Variants in DIAPH2 observed in about 807,000 individuals in gnomAD.
The protein encoded by DIAPH2 is diaphanous related formin 2, also known as protein diaphanous homolog 2.
Under a neutral mutation model 92.7 loss-of-function variants are expected in DIAPH2, and 35 were observed. The observed-to-expected ratio is 0.38, with a 90% CI of 0.29 to 0.50. The LOEUF (loss-of-function observed/expected upper bound fraction) is 0.50, where lower values mean the gene tolerates loss of function less well. Ranked by LOEUF, DIAPH2 falls within the 20% of genes least tolerant of loss-of-function variation. The pLI is 0.94. For synonymous variants in DIAPH2, 301 were observed against 280.4 expected (o/e 1.07, Z -0.73); for missense variants, 701 against 819.5 (o/e 0.86, Z 1.77).
At chrX:96,973,563 C>A (rs1350269988) in intron 17 of DIAPH2, among the ~76,000 whole-genome samples, 1 of 111,219 alleles carries the variant, frequency 9.0e-6, no homozygotes, top group Non-Finnish European at 1.9e-5. Context: ...AACTGCAATT[C>A]CTTTTGCATC....
At chrX:96,898,482 G>A (rs1232302066) in intron 5 of DIAPH2, among the ~76,000 whole-genome samples, 1 of 73,432 alleles carries the variant, frequency 1.4e-5, no homozygotes, top group Non-Finnish European at 3.1e-5. Flanking sequence ...GCCAGTGATG[G>A]TGAGCATTTA....
Position 97,602,074 on chromosome X carries a change from CT to C in DIAPH2, c.*2759del, listed in dbSNP as rs1320966740. 8.9e-6 allele frequency: 1 copy of C among 112,158 alleles called. No homozygotes were observed. Among genetic ancestry groups the C allele is most frequent in the South Asian group, 3.7e-4 (1 of 2,703 alleles). 9.2% of individuals were successfully genotyped at this position (112,158 alleles called of 1,213,427 possible). ...AATCTCCTCACCTCATGAGTCTTAA[CT>C]TAATTACATCTGCAAGGCCCCCTTC... On this transcript the variant is annotated 3_prime_UTR_variant, in exon 27 of 27. Coordinates refer to ENST00000324765, the MANE Select transcript of DIAPH2 (RefSeq NM_006729.5).
intron 5 of DIAPH2, chrX:96,884,476 A>G: frequency 3.3e-6 from 4 of 1,211,504 alleles, no homozygotes; most frequent in Non-Finnish European, 3.4e-6. Flanking sequence ...CCAGCTTCTC[A>G]GCTCTACTGT....
chrX:97,097,462 G>C (rs1191712413), intron 19 of DIAPH2, among the ~76,000 whole-genome samples: 1 of 111,812 alleles, frequency 8.9e-6, no homozygotes, highest in African/African-American at 3.3e-5. Flanking sequence ...TCATACAGCT[G>C]AATAGAGAAA....
At chrX:97,191,497 A>G (rs2067653554) in intron 22 of DIAPH2, among the ~76,000 whole-genome samples, 1 of 111,192 alleles carries the variant, frequency 9.0e-6, no homozygotes, top group South Asian at 3.8e-4. Context: ...CTTCCCTGGG[A>G]AGCAGGCTTA....
intron 17 of DIAPH2, among the ~76,000 whole-genome samples, chrX:97,068,334 T>A (rs946220062): frequency 1.8e-5 from 2 of 111,780 alleles, no homozygotes; most frequent in African/African-American, 6.5e-5. Context: ...AATAAAAATT[T>A]GATTTTTGTG....
At chrX:97,494,887 G>A (rs1243161440) in intron 26 of DIAPH2, among the ~76,000 whole-genome samples, 1 of 112,569 alleles carries the variant, frequency 8.9e-6, no homozygotes, top group African/African-American at 3.2e-5. Context: ...ATCAGGCTCT[G>A]TGCCTTCTCT....
rs768565176 is a variant in DIAPH2, at chrX:97,272,812, G to T, written c.2844+24973G>T. Among the ~76,000 whole-genome samples the T allele has an allele frequency of 3.6e-4, 40 of 112,521 alleles. No individual in the cohort carries two copies. In the South Asian group the frequency reaches 6.7e-3, roughly 19 times the overall value. On this transcript the variant is annotated intron_variant, in intron 23 of 26. Transcript: ENST00000324765. ...TCCCTACTCAAGCAAATAAAAGGCA[G>T]TATTCACTGCATACATTGGGGTATA...
At chrX:96,742,714 T>C (rs1004602562) in intron 3 of DIAPH2, among the ~76,000 whole-genome samples, 1 of 109,139 alleles carries the variant, frequency 9.2e-6, no homozygotes, top group Non-Finnish European at 1.9e-5. Context: ...TCATCCAGGC[T>C]GGAGTGCAGT....
intron 3 of DIAPH2, among the ~76,000 whole-genome samples, chrX:96,751,867 A>G (rs1009398747): frequency 9.4e-5 from 9 of 95,935 alleles, no homozygotes; most frequent in Non-Finnish European, 2.0e-4. Flanking sequence ...TTTAGCCGGG[A>G]TGGTCTCGAT....
chrX:97,031,853 A>C (rs2147879130), intron 17 of DIAPH2, among the ~76,000 whole-genome samples: 1 of 112,146 alleles, frequency 8.9e-6, no homozygotes, highest in Admixed American at 9.5e-5. Flanking sequence ...TCTGAATTTC[A>C]AAGTCAGAAT....
intron 4 of DIAPH2, among the ~76,000 whole-genome samples, chrX:96,878,492 T>G (rs181522368): frequency 1.9e-4 from 21 of 112,191 alleles, no homozygotes; most frequent in African/African-American, 6.5e-4. Flanking sequence ...TATGTTAAAA[T>G]CTCAAAGTCC....
chrX:96,953,292 A>G (rs1447911129), intron 15 of DIAPH2, among the ~76,000 whole-genome samples: 1 of 111,842 alleles, frequency 8.9e-6, no homozygotes, highest in Non-Finnish European at 1.9e-5. Flanking sequence ...GATGTCTGTA[A>G]TACAGACATT....
intron 16 of DIAPH2, among the ~76,000 whole-genome samples, chrX:96,960,355 T>C (rs1381232084): frequency 9.0e-6 from 1 of 111,623 alleles, no homozygotes; most frequent in Non-Finnish European, 1.9e-5. Flanking sequence ...GGTTTTTTAT[T>C]TTTTTGTAGC....
At chrX:96,843,457 A>G (rs2064950301) in intron 4 of DIAPH2, among the ~76,000 whole-genome samples, 1 of 111,657 alleles carries the variant, frequency 9.0e-6, no homozygotes, top group Non-Finnish European at 1.9e-5. Flanking sequence ...AAACTCTTCT[A>G]AGTTAGTAAA....
intron 21 of DIAPH2, among the ~76,000 whole-genome samples, chrX:97,117,397 T>C (rs913597036): frequency 2.2e-4 from 25 of 111,963 alleles, no homozygotes; most frequent in African/African-American, 7.8e-4. Flanking sequence ...ATTTCAGTTG[T>C]ATTATGAAAG....
At chrX:96,836,797 G>A (rs1477761325) in intron 4 of DIAPH2, among the ~76,000 whole-genome samples, 20 of 81,823 alleles carry the variant, frequency 2.4e-4, no homozygotes, top group Non-Finnish European at 3.8e-4. Flanking sequence ...GCGCGATCTC[G>A]GCTCACTGCA....
intron 22 of DIAPH2, among the ~76,000 whole-genome samples, chrX:97,228,300 A>G (rs2067981854): frequency 9.0e-6 from 1 of 111,701 alleles, no homozygotes; most frequent in Non-Finnish European, 1.9e-5. Flanking sequence ...TAGTTTTCCT[A>G]ATACTTAAAC....
At chrX:97,230,810 G>A (rs1015545556) in intron 22 of DIAPH2, among the ~76,000 whole-genome samples, 12 of 112,283 alleles carry the variant, frequency 1.1e-4, no homozygotes, top group Non-Finnish European at 2.1e-4. Context: ...GCCTCCCAAC[G>A]TGCTGGGATT....
Sources: allele counts gnomAD v4.1 joint callset (sites outside exome capture counted in the v4.1 genomes callset), GRCh38; gene constraint gnomAD v4.1.1; transcripts MANE v1.5; gene names NCBI Gene and HGNC (gene_info 2026-07-23, HGNC 2026-07-21).